NCOR2: variants seen among roughly 807,000 people sequenced by gnomAD.
NCOR2 encodes CTG repeat protein 26.
Under a neutral mutation model 262.9 loss-of-function variants are expected in NCOR2, and 81 were observed. The observed-to-expected ratio is 0.31, with a 90% CI of 0.26 to 0.37. The LOEUF is 0.37. Among genes scored for constraint, NCOR2 ranks in the 10% least tolerant of loss-of-function variants. The probability of loss-of-function intolerance (pLI) is 1.00; values close to 1 mark genes in which losing one functional copy is unlikely to be tolerated. For synonymous variants in NCOR2, 1,659 were observed against 1,559.3 expected, an observed-to-expected ratio of 1.06 and a Z score of -1.51; for missense variants, 3,385 against 3,621.4, an observed-to-expected ratio of 0.93 and a Z score of 1.68.
intron 4 of NCOR2, among the ~76,000 whole-genome samples, chr12:124,469,227 C>G: frequency 6.6e-6 from 1 of 152,096 alleles, no homozygotes; most frequent in Non-Finnish European, 1.5e-5. Context: ...ATGACGCTCG[C>G]ACAGCCTGCA....
At chr12:124,533,931 A>T (rs1175607959) in intron 1 of NCOR2, among the ~76,000 whole-genome samples, 2 of 142,352 alleles carry the variant, frequency 1.4e-5, no homozygotes, top group Non-Finnish European at 3.1e-5. Flanking sequence ...CCTTTTTGTG[A>T]TTTTTTTTTT....
intron 1 of NCOR2, among the ~76,000 whole-genome samples, chr12:124,509,117 C>A (rs946466265): frequency 6.6e-6 from 1 of 152,104 alleles, no homozygotes; most frequent in Non-Finnish European, 1.5e-5. Context: ...GCCCACCCGG[C>A]CCCACTCCGT....
chr12:124,402,201 G>C (rs186451015), intron 14 of NCOR2, among the ~76,000 whole-genome samples: 9 of 152,156 alleles, frequency 5.9e-5, no homozygotes, highest in Admixed American at 1.3e-4. Flanking sequence ...CGGAGGAGAG[G>C]GGGGAGCCAG....
intron 13 of NCOR2, among the ~76,000 whole-genome samples, chr12:124,412,886 C>T (rs1329884625): frequency 6.6e-6 from 1 of 152,222 alleles, no homozygotes. Context: ...CAGACTGGGA[C>T]ACGTCCCCTC....
intron 1 of NCOR2, among the ~76,000 whole-genome samples, chr12:124,562,932 T>G (rs1358073344): frequency 6.6e-6 from 1 of 152,024 alleles, no homozygotes; most frequent in East Asian, 1.9e-4. Context: ...TCATTATATC[T>G]CACAACCATA....
intron 1 of NCOR2, among the ~76,000 whole-genome samples, chr12:124,505,704 G>A (rs1051145092): frequency 2.0e-5 from 3 of 152,068 alleles, no homozygotes; most frequent in Non-Finnish European, 2.9e-5. Context: ...TGCAGTTCTC[G>A]GCCCACAGAA....
exon 32 of NCOR2, chr12:124,344,871 G>A (rs760251955): frequency 3.0e-5 from 48 of 1,578,702 alleles, no homozygotes; most frequent in African/African-American, 4.0e-5. Flanking sequence ...ACGTCCGGCC[G>A]GGGCTGCCGA....
chr12:124,342,349 CTTTT>C (rs536712512), intron 33 of NCOR2, among the ~76,000 whole-genome samples: 1 of 152,140 alleles, frequency 6.6e-6, no homozygotes, highest in Non-Finnish European at 1.5e-5. Flanking sequence ...AGGGATGCAA[CTTTT>C]TTTATTTCTT....
At chr12:124,336,843 G>A in exon 38 of NCOR2, 1 of 1,612,416 alleles carries the variant, frequency 6.2e-7, no homozygotes, top group South Asian at 1.1e-5. Context: ...GGTGGCGCCG[G>A]CGGGTCCGGG....
intron 13 of NCOR2, among the ~76,000 whole-genome samples, chr12:124,416,815 T>C (rs3825136): frequency 1.6e-4 from 17 of 109,394 alleles, no homozygotes; most frequent in African/African-American, 6.5e-4. Flanking sequence ...GCAGCACAGA[T>C]AGACCCCGCG....
chr12:124,485,275 T>G (rs1336179364), intron 2 of NCOR2, among the ~76,000 whole-genome samples: 1 of 152,182 alleles, frequency 6.6e-6, no homozygotes, highest in Non-Finnish European at 1.5e-5. Flanking sequence ...CAGATGGAAT[T>G]AAGCTAAGAT....
Position 124,334,474 on chromosome 12 carries a change from C to CG in NCOR2, c.6554dup (p.Asp2186GlyfsTer31). Reference sequence around the variant, plus strand: ...AGCCACGGGCCGGGGCACCATGGTCCGGGGGCGGGAGGTAGAGGTCACTGG... The same window carrying CG: ...AGCCACGGGCCGGGGCACCATGGTCCGGGGGGCGGGAGGTAGAGGTCACTGG... On this transcript the variant is annotated frameshift_variant, in exon 41 of 47. Coordinates refer to ENST00000405201, the Ensembl canonical transcript of NCOR2. LOFTEE classifies it high-confidence loss of function. 1.4e-6 allele frequency: 2 copies of CG among 1,468,946 alleles called. No homozygotes were observed. Among genetic ancestry groups the CG allele is most frequent in the Non-Finnish European group, 1.8e-6 (2 of 1,110,194 alleles). 91.0% of individuals were successfully genotyped at this position (1,468,946 alleles called of 1,614,324 possible). A position where few individuals can be genotyped will look rare whatever the true frequency, so the allele number is the denominator to read the frequency against.
chr12:124,521,467 C>T (rs760252878), intron 1 of NCOR2, among the ~76,000 whole-genome samples: 1 of 152,172 alleles, frequency 6.6e-6, no homozygotes, highest in Non-Finnish European at 1.5e-5. Context: ...CCATTCAACA[C>T]GGATCAACCT....
chr12:124,426,519 C>A (rs556852128), intron 11 of NCOR2, 103 bp downstream of exon 13: 3 of 1,159,836 alleles, frequency 2.6e-6, no homozygotes, highest in Non-Finnish European at 3.5e-6. Flanking sequence ...GTTTTAAGCA[C>A]CCCCCGGCAT....
chr12:124,493,550 C>G (rs1206228758), intron 1 of NCOR2, among the ~76,000 whole-genome samples: 2 of 152,178 alleles, frequency 1.3e-5, no homozygotes, highest in Non-Finnish European at 2.9e-5. Flanking sequence ...AGTTTCCTAC[C>G]CTGTGAAATA....
At chr12:124,326,245 T>C in exon 46 of NCOR2, 1 of 1,551,214 alleles carries the variant, frequency 6.4e-7, no homozygotes, top group Non-Finnish European at 8.7e-7. Context: ...GTCCGGCGGT[T>C]GCAGTCTCCC....
At chr12:124,499,731 G>A (rs529808289), upstream of NCOR2, among the ~76,000 whole-genome samples, 3 of 152,184 alleles carry the variant, frequency 2.0e-5, no homozygotes, top group Non-Finnish European at 4.4e-5. Context: ...GGGCCCCATG[G>A]GCCCGGGTAA....
chr12:124,330,609 G>C (rs570136908), intron 44 of NCOR2, among the ~76,000 whole-genome samples: 2 of 152,220 alleles, frequency 1.3e-5, no homozygotes, highest in African/African-American at 4.8e-5. Flanking sequence ...CTAACCACCC[G>C]AGGGGATCTT....
intron 1 of NCOR2, among the ~76,000 whole-genome samples, chr12:124,509,862 C>T (rs1192828877): frequency 1.3e-5 from 2 of 152,142 alleles, no homozygotes; most frequent in Non-Finnish European, 2.9e-5. Flanking sequence ...CAGACACACC[C>T]CCCGACGGCC....
Sources: gnomAD v4.1 joint callset for allele counts (sites outside exome capture counted in the v4.1 genomes callset) on GRCh38, gnomAD v4.1.1 for gene constraint, MANE v1.5 for transcripts, NCBI Gene and HGNC (gene_info 2026-07-23, HGNC 2026-07-21) for gene names.